Variants in EGFR observed in about 807,000 individuals in gnomAD.
EGFR encodes the protein epidermal growth factor receptor.
EGFR carries 58 observed loss-of-function variants against 143.0 expected under a neutral mutation model. That is an observed-to-expected ratio of 0.41 (90% CI 0.33 to 0.50). EGFR has a LOEUF of 0.50. Among genes scored for constraint, EGFR ranks in the 20% least tolerant of loss-of-function variants. EGFR has a pLI of 0.39. For missense variants in EGFR, 1,307 were observed against 1,579.0 expected (o/e 0.83, Z 2.92); for synonymous variants, 613 against 594.4 (o/e 1.03, Z -0.45).
intron 19 of EGFR, among the ~76,000 whole-genome samples, chr7:55,177,141 C>T (rs913021028): frequency 2.0e-5 from 3 of 152,044 alleles, no homozygotes; most frequent in African/African-American, 7.2e-5. Context: ...AGTCAGAGGG[C>T]GACAAGCCTG....
chr7:55,091,806 G>A (rs1269168537), intron 1 of EGFR, among the ~76,000 whole-genome samples: 1 of 150,360 alleles, frequency 6.7e-6, no homozygotes, highest in Non-Finnish European at 1.5e-5. Context: ...AAAGCAGAGG[G>A]CATCTCGTAG....
At chr7:55,072,598 A>G (rs1332529442) in intron 1 of EGFR, among the ~76,000 whole-genome samples, 15 of 152,202 alleles carry the variant, frequency 9.9e-5, no homozygotes. Context: ...AGTTACCAAC[A>G]GTTTCATGTT....
At chr7:55,150,698 GTAAT>G (rs1785107249) in intron 4 of EGFR, among the ~76,000 whole-genome samples, 5 of 152,316 alleles carry the variant, frequency 3.3e-5, no homozygotes, top group Admixed American at 3.3e-4. Context: ...GCTATAATTT[GTAAT>G]CGGCCAATTA....
chr7:55,152,221 T>C (rs1232170990), intron 5 of EGFR: 2 of 488,338 alleles, frequency 4.1e-6, no homozygotes, highest in African/African-American at 2.0e-5. Flanking sequence ...GGGGGGGCTG[T>C]TAGGCCCTTC....
intron 1 of EGFR, among the ~76,000 whole-genome samples, chr7:55,032,329 T>A (rs1244479893): frequency 6.6e-6 from 1 of 152,222 alleles, no homozygotes; most frequent in Admixed American, 6.5e-5. Context: ...CATCTCTGTC[T>A]GAGGACGCAG....
At chr7:55,049,912 C>T (rs905697413) in intron 1 of EGFR, among the ~76,000 whole-genome samples, 10 of 152,236 alleles carry the variant, frequency 6.6e-5, no homozygotes, top group African/African-American at 2.2e-4. Context: ...TGGGCTCCCA[C>T]ATTGTCTTCC....
chr7:55,131,059 A>G (rs1421511839), intron 1 of EGFR, among the ~76,000 whole-genome samples: 1 of 151,778 alleles, frequency 6.6e-6, no homozygotes, highest in Non-Finnish European at 1.5e-5. Context: ...TTGACCAGGG[A>G]CTCTCCCCTC....
chr7:55,082,719 G>A (rs574481304), intron 1 of EGFR, among the ~76,000 whole-genome samples: 28 of 152,298 alleles, frequency 1.8e-4, no homozygotes, highest in East Asian at 1.2e-3. Context: ...CAGGGCAGCC[G>A]TAGTGTGTGG....
At chr7:55,186,339 A>G (rs1209402751) in intron 20 of EGFR, among the ~76,000 whole-genome samples, 2 of 152,204 alleles carry the variant, frequency 1.3e-5, no homozygotes, top group Non-Finnish European at 2.9e-5. Flanking sequence ...TTCGTCATCC[A>G]GGTTTGCTCC....
chr7:55,184,096 A>G (rs1787020213), intron 20 of EGFR, among the ~76,000 whole-genome samples: 1 of 152,228 alleles, frequency 6.6e-6, no homozygotes, highest in Non-Finnish European at 1.5e-5. Context: ...GAACGGGGGC[A>G]CGTTGCTGGC....
intron 1 of EGFR, among the ~76,000 whole-genome samples, chr7:55,065,437 C>T (rs1048657514): frequency 3.9e-5 from 6 of 152,198 alleles, no homozygotes; most frequent in African/African-American, 1.4e-4. Context: ...CTAGAAGTAT[C>T]TGGGTGGCTA....
At chr7:55,084,421 C>T (rs1179220319) in intron 1 of EGFR, among the ~76,000 whole-genome samples, 1 of 152,174 alleles carries the variant, frequency 6.6e-6, no homozygotes, top group African/African-American at 2.4e-5. Context: ...ATGGCTTTTA[C>T]CTGGTTAAGT....
At chr7:55,164,023 T>C (rs1055502721) in intron 14 of EGFR, among the ~76,000 whole-genome samples, 200 bp downstream of exon 14, 5 of 152,206 alleles carry the variant, frequency 3.3e-5, no homozygotes, top group African/African-American at 1.2e-4. Flanking sequence ...GCGATGAACA[T>C]TCACTCTTTC....
chr7:55,137,618 A>C (rs1010128905), intron 1 of EGFR, among the ~76,000 whole-genome samples: 2 of 152,238 alleles, frequency 1.3e-5, no homozygotes, highest in Non-Finnish European at 2.9e-5. Context: ...ACAAGAATGC[A>C]CAGATAACTT....
intron 1 of EGFR, among the ~76,000 whole-genome samples, chr7:55,042,496 G>A (rs949769282): frequency 6.6e-6 from 1 of 152,134 alleles, no homozygotes; most frequent in African/African-American, 2.4e-5. Context: ...TGTATCCTAT[G>A]CTTTTTTACA....
intron 20 of EGFR, among the ~76,000 whole-genome samples, chr7:55,189,651 A>T (rs1452294689): frequency 1.3e-5 from 2 of 152,192 alleles, no homozygotes; most frequent in Non-Finnish European, 2.9e-5. Context: ...GGTCCTCTGC[A>T]TGGGGACTTG....
intron 1 of EGFR, among the ~76,000 whole-genome samples, chr7:55,117,547 C>T (rs928179829): frequency 2.0e-5 from 3 of 152,180 alleles, no homozygotes; most frequent in Non-Finnish European, 4.4e-5. Context: ...CTGGAGGAAA[C>T]CACCTGGAAT....
intron 1 of EGFR, among the ~76,000 whole-genome samples, chr7:55,126,683 A>G (rs1793540883): frequency 6.6e-6 from 1 of 152,224 alleles, no homozygotes; most frequent in Non-Finnish European, 1.5e-5. Flanking sequence ...AAAGGGATTT[A>G]ATTCTAGTGG....
chr7:55,166,261 C>A, intron 15 of EGFR: 1 of 563,194 alleles, frequency 1.8e-6, no homozygotes, highest in East Asian at 3.5e-5. Context: ...AACTGGATCC[C>A]ACTCAACAAT....
Sources: allele counts gnomAD v4.1 joint callset (sites outside exome capture counted in the v4.1 genomes callset), GRCh38; gene constraint gnomAD v4.1.1; transcripts MANE v1.5; gene names NCBI Gene and HGNC (gene_info 2026-07-23, HGNC 2026-07-21).